The following PDZD2 variants were observed in gnomAD, a reference collection of about 807,000 sequenced individuals.
PDZD2 encodes PDZ domain containing 2, also known as PDZ domain-containing protein 2.
In PDZD2, 90 loss-of-function variants were observed where a neutral mutation model predicts 220.7. The ratio of observed to expected loss-of-function variants is 0.41; its 90% CI spans 0.34 to 0.49. PDZD2 has a LOEUF of 0.49. Ranked by LOEUF, PDZD2 falls within the 20% of genes least tolerant of loss-of-function variation. The probability of loss-of-function intolerance (pLI) is 0.28; values close to 1 mark genes in which losing one functional copy is unlikely to be tolerated. For missense variants in PDZD2, 3,174 were observed against 3,608.5 expected, an observed-to-expected ratio of 0.88 and a Z score of 3.08; for synonymous variants, 1,375 against 1,450.5, an observed-to-expected ratio of 0.95 and a Z score of 1.18.
intron 1 of PDZD2, among the ~76,000 whole-genome samples, chr5:31,675,002 G>A (rs1273609746): frequency 6.6e-6 from 1 of 152,194 alleles, no homozygotes; most frequent in African/African-American, 2.4e-5. Flanking sequence ...CCCTGTATGT[G>A]GGAACCGGGT....
intron 2 of PDZD2, among the ~76,000 whole-genome samples, chr5:31,918,602 CTT>C (rs1312238274): frequency 6.6e-6 from 1 of 152,170 alleles, no homozygotes; most frequent in Non-Finnish European, 1.5e-5. Flanking sequence ...TTAAGCTTCT[CTT>C]TTGATTTTTA....
chr5:32,108,190 ACTT>A lies in PDZD2; in HGVS notation c.*59_*61del. 3.2e-6 allele frequency: 4 copies of A among 1,234,180 alleles called. No individual in the cohort carries two copies. The highest frequency in any genetic ancestry group is 1.4e-5 in the South Asian group (1 of 70,570). 76.5% of individuals were successfully genotyped at this position (1,234,180 alleles called of 1,614,324 possible). On this transcript the variant is annotated 3_prime_UTR_variant, in exon 25 of 25. Coordinates refer to ENST00000438447, the MANE Select transcript of PDZD2 (RefSeq NM_178140.4). ...CTTCTTTCTTTAGCAAATCAGAGTG[ACTT>A]CTTTAAACCACAGGTTGTTGAAATG...
chr5:31,725,543 A>G, intron 1 of PDZD2: 1 of 1,427,312 alleles, frequency 7.0e-7, no homozygotes, highest in East Asian at 2.3e-5. Flanking sequence ...GGGCCACTGG[A>G]CTTAGGACTA....
chr5:31,744,969 A>T (rs1750501951), intron 1 of PDZD2, among the ~76,000 whole-genome samples: 1 of 152,122 alleles, frequency 6.6e-6, no homozygotes, highest in Admixed American at 6.5e-5. Flanking sequence ...GCTACTCAGG[A>T]GGCTGAGGCA....
At chr5:31,963,390 G>A (rs779997343) in intron 2 of PDZD2, among the ~76,000 whole-genome samples, 1 of 152,234 alleles carries the variant, frequency 6.6e-6, no homozygotes, top group Non-Finnish European at 1.5e-5. Context: ...GTGACAAATG[G>A]AGGGAAGATA....
At chr5:31,694,538 G>A (rs1007645672) in intron 1 of PDZD2, among the ~76,000 whole-genome samples, 2 of 152,162 alleles carry the variant, frequency 1.3e-5, no homozygotes, top group Non-Finnish European at 2.9e-5. Context: ...ATTTTCTCGT[G>A]TTTTTGAATC....
intron 1 of PDZD2, among the ~76,000 whole-genome samples, chr5:31,689,355 T>TATATA (rs1208262874): frequency 2.4e-4 from 5 of 20,870 alleles, no homozygotes; most frequent in African/African-American, 1.0e-3. Context: ...ATATATATAT[T>TATATA]TTTTTTTTTT....
chr5:31,782,746 C>T (rs1450687050), intron 1 of PDZD2, among the ~76,000 whole-genome samples: 1 of 122,396 alleles, frequency 8.2e-6, no homozygotes, highest in Non-Finnish European at 1.6e-5. Context: ...AAGAGTGTTG[C>T]GCTATCACCC....
chr5:32,071,392 T>G lies in PDZD2; in HGVS notation c.2542T>G (p.Leu848Val). Residue 848 changes from leucine (L) to valine (V), a missense_variant, in exon 16 of 25, where the codon TTG (leucine) becomes GTG (valine). Leu to Val is a conservative substitution (Grantham distance 32). This residue lies in a region of PDZD2 where 1,861 missense variants were observed against 2,001.0 expected (regional missense o/e 0.93). Coordinates refer to ENST00000438447, the MANE Select transcript of PDZD2 (RefSeq NM_178140.4). ...AATTTTCCCTCCAACAGGTACCCCCTTGAAGAGTCCCTCTCTTGCAAAAAA... is the reference window on the plus strand; with the variant it reads ...AATTTTCCCTCCAACAGGTACCCCCGTGAAGAGTCCCTCTCTTGCAAAAAA... ...ANSSPGLGTP[L>V]KSPSLAKKDS... 1 of 1,609,844 alleles carries G rather than the reference T, an allele frequency of 6.2e-7. No homozygotes were observed. Among genetic ancestry groups the G allele is most frequent in the South Asian group, 1.1e-5 (1 of 90,984 alleles).
intron 1 of PDZD2, among the ~76,000 whole-genome samples, chr5:31,685,400 T>A (rs564858582): frequency 1.3e-5 from 2 of 152,312 alleles, no homozygotes; most frequent in East Asian, 3.9e-4. Context: ...TATGGAAAAC[T>A]GAGAACATAC....
rs543363685 is a variant in PDZD2, at chr5:31,961,283, C to T, written c.477-21872C>T. Reference sequence around the variant, plus strand: ...ACAGCTCCTTTGCCTGTAATCCCAGCGCTTTGGGAGGCCGAGGCTGGCAGT... The same window carrying T: ...ACAGCTCCTTTGCCTGTAATCCCAGTGCTTTGGGAGGCCGAGGCTGGCAGT... On this transcript the variant is annotated intron_variant, in intron 2 of 24. Coordinates refer to ENST00000438447, the MANE Select transcript of PDZD2 (RefSeq NM_178140.4). Among the ~76,000 whole-genome samples the T allele has an allele frequency of 1.1e-4, 17 of 151,308 alleles. No individual in the cohort carries two copies. The South Asian group carries it at 2.5e-3, about 22-fold the overall frequency.
At chr5:31,752,086 T>TTTTTTTTTTTTTTTTTTTTG (rs1363350646) in intron 1 of PDZD2, among the ~76,000 whole-genome samples, 2 of 137,300 alleles carry the variant, frequency 1.5e-5, no homozygotes, top group Non-Finnish European at 3.2e-5. Flanking sequence ...TTTTTTTTTT[T>TTTTTTTTTTTTTTTTTTTTG]TTTTCTGAGA....
chr5:32,037,962 C>A (rs1008941545), intron 7 of PDZD2, among the ~76,000 whole-genome samples: 4 of 151,550 alleles, frequency 2.6e-5, no homozygotes, highest in Admixed American at 6.6e-5. Flanking sequence ...CTGCCTCAAA[C>A]TCCCGAGTAG....
chr5:31,799,658 G>A lies in PDZD2; in HGVS notation c.410G>A (p.Arg137Gln), dbSNP rs750027439. ...NSPAGKSGKV[R>Q]LRDEILSLNG... ...CCAGCAGGGAAGAGTGGGAAGGTCC[G>A]ACTGCGGGATGAGATCCTCTCACTG... Residue 137 changes from arginine (R) to glutamine (Q), a missense_variant, in exon 2 of 25, where the codon CGA (arginine) becomes CAA (glutamine). This residue lies in a region of PDZD2 where 632 missense variants were observed against 708.1 expected (regional missense o/e 0.89). Coordinates refer to ENST00000438447, the MANE Select transcript of PDZD2 (RefSeq NM_178140.4). The A allele has an allele frequency of 2.1e-5, 34 of 1,614,116 alleles. No individual in the cohort carries two copies. Among genetic ancestry groups the A allele is most frequent in the Admixed American group, 6.7e-5 (4 of 60,020 alleles).
intron 3 of PDZD2, among the ~76,000 whole-genome samples, chr5:31,993,646 T>C (rs1451916765): frequency 1.3e-5 from 2 of 152,244 alleles, no homozygotes; most frequent in Non-Finnish European, 2.9e-5. Flanking sequence ...ATTGGACTTT[T>C]CATGATGGAT....
At chr5:32,102,777 C>T (rs150431927) in intron 24 of PDZD2, among the ~76,000 whole-genome samples, 95 of 151,820 alleles carry the variant, frequency 6.3e-4, no homozygotes, top group African/African-American at 2.2e-3. Context: ...AAGGAGCAAG[C>T]AAATATGTAA....
chr5:31,752,088 T>TTTTTTTTTTTTTTTA (rs1561431820), intron 1 of PDZD2, among the ~76,000 whole-genome samples: 1 of 141,022 alleles, frequency 7.1e-6, no homozygotes, highest in Non-Finnish European at 1.5e-5. Flanking sequence ...TTTTTTTTTT[T>TTTTTTTTTTTTTTTA]TTCTGAGACA....
At chr5:31,903,481 TA>T (rs1742294959) in intron 2 of PDZD2, among the ~76,000 whole-genome samples, 1 of 151,016 alleles carries the variant, frequency 6.6e-6, no homozygotes, top group Non-Finnish European at 1.5e-5. Flanking sequence ...ACCCTGTCTC[TA>T]CTAAAAATAC....
intron 2 of PDZD2, among the ~76,000 whole-genome samples, chr5:31,827,803 T>G (rs1756321613): frequency 6.6e-6 from 1 of 152,188 alleles, no homozygotes; most frequent in Non-Finnish European, 1.5e-5. Flanking sequence ...GTTTTATAGA[T>G]TCACAGCATT....
Sources: gnomAD v4.1 joint callset for allele counts (sites outside exome capture counted in the v4.1 genomes callset) on GRCh38, gnomAD v4.1.1 for gene constraint, gnomAD v4.1.1 regional missense constraint, MANE v1.5 for transcripts, NCBI Gene and HGNC (gene_info 2026-07-23, HGNC 2026-07-21) for gene names.